SYCP2L: variants seen among roughly 807,000 people sequenced by gnomAD.
SYCP2L encodes the protein synaptonemal complex protein 2-like.
SYCP2L carries 98 observed loss-of-function variants against 125.8 expected under a neutral mutation model. That is an observed-to-expected ratio of 0.78 (90% confidence interval 0.66 to 0.92). The LOEUF is 0.92. Ranked by LOEUF, SYCP2L falls within the 40% of genes least tolerant of loss-of-function variation. The pLI is 0.00. For missense variants in SYCP2L, 842 were observed against 936.4 expected, an observed-to-expected ratio of 0.90 and a Z score of 1.32; for synonymous variants, 317 against 325.4, an observed-to-expected ratio of 0.97 and a Z score of 0.28.
At chr6:10,915,268 A>G (rs1195378757) in intron 14 of SYCP2L, among the ~76,000 whole-genome samples, 1 of 152,234 alleles carries the variant, frequency 6.6e-6, no homozygotes, top group East Asian at 1.9e-4. Context: ...ATCAGCAAAC[A>G]GAGACAGTTT....
chr6:10,931,352 A>G, intron 19 of SYCP2L, 88 bp from the exon 20 acceptor site: 1 of 1,278,766 alleles, frequency 7.8e-7, no homozygotes, highest in Non-Finnish European at 1.1e-6. Context: ...AATTGCTTTT[A>G]GTGTTAGCAT....
At chr6:10,924,951 A>C (rs1780871236) in intron 15 of SYCP2L, among the ~76,000 whole-genome samples, 1 of 152,142 alleles carries the variant, frequency 6.6e-6, no homozygotes, top group Non-Finnish European at 1.5e-5. Flanking sequence ...AGTCCTGAGG[A>C]CACTGGCATT....
intron 20 of SYCP2L, among the ~76,000 whole-genome samples, chr6:10,934,116 G>A (rs551477486): frequency 1.3e-5 from 2 of 152,152 alleles, no homozygotes; most frequent in South Asian, 2.1e-4. Flanking sequence ...TCTCTGTCTC[G>A]TGCACTCTGT....
chr6:10,906,210 G>A (rs538087747), intron 9 of SYCP2L, among the ~76,000 whole-genome samples, 156 bp downstream of exon 9: 6 of 152,098 alleles, frequency 3.9e-5, no homozygotes, highest in Admixed American at 6.5e-5. Context: ...TTAGCATGCT[G>A]GAAACTGTAA....
At chr6:10,972,229 A>T (rs1781786255) in intron 29 of SYCP2L, among the ~76,000 whole-genome samples, 1 of 152,226 alleles carries the variant, frequency 6.6e-6, no homozygotes, top group Non-Finnish European at 1.5e-5. Context: ...GGAAAAAAAT[A>T]CTGTTTTCTT....
intron 10 of SYCP2L, among the ~76,000 whole-genome samples, chr6:10,908,653 G>C (rs146495874): frequency 6.6e-6 from 1 of 152,096 alleles, no homozygotes; most frequent in Non-Finnish European, 1.5e-5. Flanking sequence ...AACCTTTCTC[G>C]TCAAAATTCC....
Position 10,926,437 on chromosome 6 carries a change from A to AT in SYCP2L, c.1312+7dup. 1 of 1,603,340 alleles carries AT rather than the reference A, an allele frequency of 6.2e-7. No homozygotes were observed. ...GTGGCCTTGAAAGAGAAACAGGTAT[A>AT]TTGGGAAATAACAAAATTCTGACCC... On this transcript the variant is annotated splice_donor_region_variant and intron_variant, in intron 16 of 29. Coordinates refer to ENST00000283141, the MANE Select transcript of SYCP2L (RefSeq NM_001040274.3).
Position 10,912,310 on chromosome 6 carries a change from C to T in SYCP2L, c.919-363C>T, listed in dbSNP as rs544414348. 5.3e-5 allele frequency among the ~76,000 whole-genome samples: 8 copies of T among 152,250 alleles called. No individual in the cohort carries two copies. Among genetic ancestry groups the T allele is most frequent in the African/African-American group, 1.9e-4 (8 of 41,556 alleles). On this transcript the variant is annotated intron_variant, in intron 12 of 29. Coordinates refer to ENST00000283141, the MANE Select transcript of SYCP2L (RefSeq NM_001040274.3). The surrounding 1 kb of genome is among the most constrained non-coding windows in gnomAD (Gnocchi z 4.1). Reference sequence around the variant, plus strand: ...TCACTCATGTTTGGTTACAGTATCTCCTTCTCCAGAAGTTTCCATCCATAT... The same window carrying T: ...TCACTCATGTTTGGTTACAGTATCTTCTTCTCCAGAAGTTTCCATCCATAT...
intron 8 of SYCP2L, among the ~76,000 whole-genome samples, chr6:10,905,085 G>A (rs1780461354): frequency 7.5e-6 from 1 of 133,270 alleles, no homozygotes; most frequent in Non-Finnish European, 1.6e-5. Flanking sequence ...GTGCATTGCA[G>A]TGAGTCGAGA....
intron 9 of SYCP2L, among the ~76,000 whole-genome samples, chr6:10,906,344 T>C (rs1780487589): frequency 6.6e-6 from 1 of 152,180 alleles, no homozygotes; most frequent in South Asian, 2.1e-4. Context: ...AAGTCCCCTG[T>C]GTCCATGTTC....
rs143155243 is a variant in SYCP2L at position 10,963,133 on chromosome 6, C to A, written c.2415-649C>A. Among the ~76,000 whole-genome samples the A allele has an allele frequency of 2.6e-5, 4 of 152,330 alleles. No homozygotes were observed. The East Asian group carries it at 7.7e-4, about 29-fold the overall frequency. Reference sequence around the variant, plus strand: ...TAAGATGTTAATTACTATTTGCATTCATCTCCCTTTGATAACAGGTCCCTG... The same window carrying A: ...TAAGATGTTAATTACTATTTGCATTAATCTCCCTTTGATAACAGGTCCCTG... On this transcript the variant is annotated intron_variant, in intron 28 of 29. Transcript: ENST00000283141.
chr6:10,970,859 T>C (rs1781757870), intron 29 of SYCP2L, among the ~76,000 whole-genome samples: 1 of 152,096 alleles, frequency 6.6e-6, no homozygotes, highest in Admixed American at 6.5e-5. Context: ...GACAACATTC[T>C]TGGGCTACTC....
chr6:10,950,911 C>T (rs1258910132), intron 23 of SYCP2L, among the ~76,000 whole-genome samples: 3 of 152,060 alleles, frequency 2.0e-5, no homozygotes, highest in Non-Finnish European at 4.4e-5. Context: ...TCTGTCACCT[C>T]AGCCTCCCAA....
chr6:10,894,714 T>G (rs890310720), intron 4 of SYCP2L, among the ~76,000 whole-genome samples: 6 of 148,406 alleles, frequency 4.0e-5, no homozygotes, highest in African/African-American at 1.5e-4. Context: ...TTAAAAATAA[T>G]AACCAAGAGA....
At chr6:10,936,529 A>G (rs893400540) in intron 21 of SYCP2L, among the ~76,000 whole-genome samples, 1 of 152,172 alleles carries the variant, frequency 6.6e-6, no homozygotes, top group African/African-American at 2.4e-5. Flanking sequence ...AGAGCAAGAT[A>G]GGGAAGAAAG....
chr6:10,890,594 T>C lies in SYCP2L; in HGVS notation c.10-919T>C, dbSNP rs552713074. Among the ~76,000 whole-genome samples, 9 of 152,330 alleles carry C rather than the reference T, an allele frequency of 5.9e-5. No homozygotes were observed. In the South Asian group the frequency reaches 1.4e-3, roughly 25 times the overall value. On this transcript the variant is annotated intron_variant, in intron 1 of 29. Transcript: ENST00000283141. ...GTTCCCTGTATATTCTAGATATTAATGGCTTGTTGGATGCATAGTTTGCAA... is the reference window on the plus strand; with the variant it reads ...GTTCCCTGTATATTCTAGATATTAACGGCTTGTTGGATGCATAGTTTGCAA...
At chr6:10,945,800 A>G (rs1781306532) in intron 23 of SYCP2L, among the ~76,000 whole-genome samples, 1 of 148,900 alleles carries the variant, frequency 6.7e-6, no homozygotes, top group Admixed American at 6.7e-5. Context: ...AAAAAGAGTA[A>G]GTCTTTAGAT....
intron 8 of SYCP2L, among the ~76,000 whole-genome samples, chr6:10,905,334 C>A (rs980854702): frequency 3.3e-5 from 5 of 151,112 alleles, no homozygotes; most frequent in African/African-American, 4.9e-5. Context: ...CTCTTGTTGC[C>A]CAGGCTGGAG....
At chr6:10,899,221 G>A (rs1780336347) in intron 6 of SYCP2L, among the ~76,000 whole-genome samples, 2 of 152,188 alleles carry the variant, frequency 1.3e-5, no homozygotes, top group South Asian at 4.1e-4. Context: ...AAACTTTGGA[G>A]GATAGATTGA....
Sources: gnomAD v4.1 joint callset for allele counts (sites outside exome capture counted in the v4.1 genomes callset) on GRCh38, gnomAD v4.1.1 for gene constraint, Gnocchi (gnomAD v3.1) non-coding constraint, MANE v1.5 for transcripts, NCBI Gene and HGNC (gene_info 2026-07-23, HGNC 2026-07-21) for gene names.